Variants in IPO11 observed in about 807,000 individuals in gnomAD.
IPO11 encodes importin 11, also known as importin-11.
A neutral mutation model predicts 143.2 loss-of-function variants in IPO11; 66 were observed. The ratio of observed to expected loss-of-function variants is 0.46; its 90% CI spans 0.38 to 0.57. The LOEUF is 0.57. Among genes scored for constraint, IPO11 ranks in the 20% least tolerant of loss-of-function variants. The pLI, the probability that IPO11 is intolerant of heterozygous loss-of-function variation, is 0.00. For missense variants in IPO11, 1,026 were observed against 1,141.0 expected (o/e 0.90, Z 1.45); for synonymous variants, 385 against 377.8 (o/e 1.02, Z -0.22).
In IPO11 at chr5:62,473,484, TCA is replaced by T. The variant is rs1745853304; in HGVS notation, c.709-931_709-930del. On this transcript the variant is annotated intron_variant, in intron 7 of 29. Coordinates refer to ENST00000325324, the MANE Select transcript of IPO11 (RefSeq NM_016338.5). The stretch of plus-strand genomic sequence containing the variant: ...ACAATGAAATTGTCTAAGGAAAATC[TCA>T]GACACTAAGTCTTCAGATAATGGTA... Among the ~76,000 whole-genome samples the T allele has an allele frequency of 5.3e-5, 8 of 152,322 alleles. No individual in the cohort carries two copies. The South Asian group carries it at 1.7e-3, about 32-fold the overall frequency.
intron 24 of IPO11, among the ~76,000 whole-genome samples, chr5:62,550,076 A>G (rs1207546906): frequency 6.6e-6 from 1 of 152,192 alleles, no homozygotes; most frequent in African/African-American, 2.4e-5. Flanking sequence ...CAAGGGTAAG[A>G]ATTACATTAA....
intron 4 of IPO11, among the ~76,000 whole-genome samples, chr5:62,450,421 T>C (rs1328696211): frequency 6.6e-6 from 1 of 152,192 alleles, no homozygotes; most frequent in Middle Eastern, 3.2e-3. Flanking sequence ...ATGAATATAT[T>C]ACTCATTAGT....
At chr5:62,482,178 T>C (rs979503076) in intron 9 of IPO11, among the ~76,000 whole-genome samples, 11 of 152,334 alleles carry the variant, frequency 7.2e-5, no homozygotes, top group Non-Finnish European at 1.6e-4. Flanking sequence ...TCTTCTCTTT[T>C]CTTCTTTATT....
At chr5:62,506,092 C>G in intron 18 of IPO11, 149 bp from the exon 19 acceptor site, 1 of 505,930 alleles carries the variant, frequency 2.0e-6, no homozygotes, top group Non-Finnish European at 3.6e-6. Flanking sequence ...TGAACGATTT[C>G]AGGTTGTTTA....
At chr5:62,548,063 C>T (rs1179884854) in intron 24 of IPO11, among the ~76,000 whole-genome samples, 1 of 144,066 alleles carries the variant, frequency 6.9e-6, no homozygotes, top group Non-Finnish European at 1.5e-5. Context: ...TAATTGTAGG[C>T]AGTATGTATT....
At chr5:62,589,471 C>T (rs528438243) in intron 27 of IPO11, among the ~76,000 whole-genome samples, 41 of 152,242 alleles carry the variant, frequency 2.7e-4, no homozygotes, top group African/African-American at 9.6e-4. Context: ...AACAGTCATC[C>T]TAGACTCTTT....
chr5:62,535,567 A>C (rs903546693), intron 22 of IPO11, among the ~76,000 whole-genome samples: 3 of 152,116 alleles, frequency 2.0e-5, no homozygotes, highest in Non-Finnish European at 2.9e-5. Flanking sequence ...CTTTTAGATT[A>C]GTAACTAGTA....
chr5:62,544,611 T>C (rs151187185), intron 24 of IPO11, among the ~76,000 whole-genome samples: 14,040 of 152,100 alleles, frequency 0.092, 666 homozygotes, highest in South Asian at 0.15. Flanking sequence ...GGCAATCAGG[T>C]AGGAGAAAGA....
intron 15 of IPO11, among the ~76,000 whole-genome samples, chr5:62,491,822 T>C (rs539988158): frequency 1.8e-4 from 28 of 152,032 alleles, no homozygotes; most frequent in South Asian, 1.5e-3. Flanking sequence ...CCCGCCACCA[T>C]GCCCGGCTAA....
At chr5:62,499,599 G>A (rs538167911) in intron 16 of IPO11, among the ~76,000 whole-genome samples, 140 of 118,218 alleles carry the variant, frequency 1.2e-3, no homozygotes, top group African/African-American at 4.2e-3. Flanking sequence ...TTTTTGAGAC[G>A]GAGTCTCGCT....
chr5:62,513,872 A>C (rs1455344623), intron 19 of IPO11, among the ~76,000 whole-genome samples: 8 of 145,878 alleles, frequency 5.5e-5, no homozygotes, highest in Non-Finnish European at 1.2e-4. Flanking sequence ...CTCACTTCTC[A>C]GACGGGGCGG....
At chr5:62,582,425 A>G (rs1217004836) in intron 27 of IPO11, among the ~76,000 whole-genome samples, 1 of 152,218 alleles carries the variant, frequency 6.6e-6, no homozygotes, top group Non-Finnish European at 1.5e-5. Context: ...TAAGCTAGGG[A>G]AAGAAAAGGG....
chr5:62,458,682 C>G (rs555894359), intron 5 of IPO11, among the ~76,000 whole-genome samples: 1 of 152,208 alleles, frequency 6.6e-6, no homozygotes, highest in African/African-American at 2.4e-5. Flanking sequence ...GGGATTTGAG[C>G]CTGTGCATGT....
intron 29 of IPO11, among the ~76,000 whole-genome samples, chr5:62,604,719 A>G (rs1017375652): frequency 6.6e-6 from 1 of 152,126 alleles, no homozygotes; most frequent in African/African-American, 2.4e-5. Context: ...ATAGATTTAT[A>G]TTATCATCTC....
chr5:62,444,210 A>G (rs1467280592), intron 3 of IPO11, among the ~76,000 whole-genome samples: 1 of 150,834 alleles, frequency 6.6e-6, no homozygotes, highest in Non-Finnish European at 1.5e-5. Flanking sequence ...ATTCTGCCTC[A>G]GCCTCCCGAG....
intron 22 of IPO11, among the ~76,000 whole-genome samples, chr5:62,534,847 A>G (rs1432648546): frequency 6.6e-6 from 1 of 152,162 alleles, no homozygotes; most frequent in African/African-American, 2.4e-5. Context: ...TAAATTACTC[A>G]GTATCTGAAA....
At chr5:62,570,536 C>A (rs916234959) in intron 27 of IPO11, among the ~76,000 whole-genome samples, 2 of 152,138 alleles carry the variant, frequency 1.3e-5, no homozygotes, top group Admixed American at 6.5e-5. Flanking sequence ...TGTGGTAGAT[C>A]ACCATGCTGT....
intron 16 of IPO11, among the ~76,000 whole-genome samples, chr5:62,503,577 G>A (rs184625017): frequency 5.1e-4 from 77 of 152,110 alleles, no homozygotes; most frequent in Non-Finnish European, 9.3e-4. Flanking sequence ...TTTTGATGCA[G>A]TACCTGACCA....
intron 6 of IPO11, among the ~76,000 whole-genome samples, chr5:62,469,559 T>G (rs1402980295): frequency 1.3e-5 from 2 of 152,198 alleles, no homozygotes; most frequent in Non-Finnish European, 2.9e-5. Context: ...TGCTAAATAA[T>G]TGCTATATTT....
Sources: allele counts gnomAD v4.1 joint callset (sites outside exome capture counted in the v4.1 genomes callset), GRCh38; gene constraint gnomAD v4.1.1; transcripts MANE v1.5; gene names NCBI Gene and HGNC (gene_info 2026-07-23, HGNC 2026-07-21).